PROX1: variants seen among roughly 807,000 people sequenced by gnomAD.
The protein encoded by PROX1 is prospero homeobox protein 1.
A neutral mutation model predicts 58.8 loss-of-function variants in PROX1; 7 were observed. The observed-to-expected ratio is 0.12, with a 90% CI of 0.07 to 0.22. The LOEUF (loss-of-function observed/expected upper bound fraction) is 0.22. PROX1 is among the 10% of genes least tolerant of loss of function. The pLI is 1.00. For synonymous variants in PROX1, 350 were observed against 358.3 expected (o/e 0.98, Z 0.26); for missense variants, 675 against 927.8 (o/e 0.73, Z 3.54).
At chr1:214,029,084 C>G (rs1571842287) in intron 4 of PROX1, 1 of 152,222 alleles carries the variant, frequency 6.6e-6, no homozygotes, top group East Asian at 1.9e-4. Context: ...AGATGAGTCT[C>G]TCCTTGATCG....
intron 1 of PROX1, among the ~76,000 whole-genome samples, chr1:213,991,334 T>C (rs1223648719): frequency 2.0e-5 from 3 of 152,202 alleles, no homozygotes; most frequent in South Asian, 2.1e-4. Flanking sequence ...CTCATTGGCT[T>C]TGTGTTTGGG....
chr1:214,025,486 A>G (rs1363082764), intron 4 of PROX1, among the ~76,000 whole-genome samples: 1 of 152,216 alleles, frequency 6.6e-6, no homozygotes, highest in Non-Finnish European at 1.5e-5. Context: ...AAACAGTTGT[A>G]AAAAATAAGG....
At chr1:213,987,565 A>G (rs1033965262), upstream of PROX1, 3 of 149,896 alleles carry the variant, frequency 2.0e-5, no homozygotes, top group African/African-American at 4.9e-5. Context: ...GAAAAAGAAA[A>G]AAAAAAAAAA....
intron 2 of PROX1, among the ~76,000 whole-genome samples, chr1:213,999,843 G>A (rs56122658): frequency 4.6e-5 from 7 of 152,226 alleles, no homozygotes; most frequent in Non-Finnish European, 1.0e-4. Flanking sequence ...TTGGAATATC[G>A]CTGTTGGTGA....
intron 4 of PROX1, among the ~76,000 whole-genome samples, chr1:214,027,570 T>C (rs1374675687): frequency 1.3e-5 from 2 of 152,172 alleles, no homozygotes; most frequent in Non-Finnish European, 2.9e-5. Context: ...AAGTCAATTC[T>C]AAACCAGGCT....
Position 214,035,958 on chromosome 1 carries a change from C to A in PROX1, c.*124C>A. ...GGGAGGCATGGATATGTTATGAAAT[C>A]AGCTGGTAATTCCTCCTCATCACGT... On this transcript the variant is annotated 3_prime_UTR_variant, in exon 5 of 5. Coordinates refer to ENST00000366958, the MANE Select transcript of PROX1 (RefSeq NM_001270616.2). The A allele has an allele frequency of 2.6e-6, 2 of 762,858 alleles. No homozygotes were observed. Among genetic ancestry groups the A allele is most frequent in the Non-Finnish European group, 3.8e-6 (2 of 527,468 alleles). The allele number at this position is 762,858 out of a possible 1,614,324, so 47.3% of individuals were successfully genotyped here.
At chr1:214,000,874 A>G (rs1443226477) in intron 2 of PROX1, among the ~76,000 whole-genome samples, 1 of 152,154 alleles carries the variant, frequency 6.6e-6, no homozygotes, top group Non-Finnish European at 1.5e-5. Context: ...TACTTTGAAG[A>G]AATATCTGGG....
At chr1:214,000,119 A>T (rs1663446189) in intron 2 of PROX1, among the ~76,000 whole-genome samples, 1 of 152,168 alleles carries the variant, frequency 6.6e-6, no homozygotes, top group South Asian at 2.1e-4. Context: ...GTGAATATTT[A>T]AAGATTTAAT....
In PROX1 at chr1:213,996,474, C is replaced by CG. The variant is rs1663265783; in HGVS notation, c.-59dup. ...CCTTTTGTTCTGTTGGCCAGGGTCC[C>CG]GGGATTCTTGAGCTGTGCCCAGCTG... On this transcript the variant is annotated 5_prime_UTR_variant, in exon 2 of 5. Transcript: ENST00000366958. 3 of 1,528,852 alleles carry CG rather than the reference C, an allele frequency of 2.0e-6. No individual in the cohort carries two copies. The allele number at this position is 1,528,852 out of a possible 1,614,324, so 94.7% of individuals were successfully genotyped here. A position where few individuals can be genotyped will look rare whatever the true frequency, so the allele number is the denominator to read the frequency against.
rs1344788852 is a variant in PROX1 at position 214,039,931 on chromosome 1, G to A, written c.*4097G>A. Reference sequence around the variant, plus strand: ...TTTATGAAAGAAAGAGTAGTTTACAGACTCCCCTGAAAGAAGCAGTGTATA... The same window carrying A: ...TTTATGAAAGAAAGAGTAGTTTACAAACTCCCCTGAAAGAAGCAGTGTATA... On this transcript the variant is annotated 3_prime_UTR_variant, in exon 5 of 5. Transcript: ENST00000366958. The A allele has an allele frequency of 6.6e-6, 1 of 152,148 alleles. No individual in the cohort carries two copies. Among genetic ancestry groups the A allele is most frequent in the Non-Finnish European group, 1.5e-5 (1 of 68,028 alleles). The allele number at this position is 152,148 out of a possible 1,614,324, so 9.4% of individuals were successfully genotyped here.
chr1:214,000,900 T>C (rs1432461438), intron 2 of PROX1, among the ~76,000 whole-genome samples: 1 of 152,196 alleles, frequency 6.6e-6, no homozygotes, highest in Non-Finnish European at 1.5e-5. Flanking sequence ...CAGTGAGTGA[T>C]GTCTTACTTC....
chr1:214,018,375 A>T (rs994313413), intron 4 of PROX1, among the ~76,000 whole-genome samples: 5 of 152,334 alleles, frequency 3.3e-5, no homozygotes, highest in Admixed American at 3.3e-4. Context: ...GCAGATAATT[A>T]GTTTAAAAAT....
intron 4 of PROX1, among the ~76,000 whole-genome samples, chr1:214,018,194 TC>T (rs917130062): frequency 9.9e-5 from 15 of 152,158 alleles, no homozygotes; most frequent in Admixed American, 5.9e-4. Context: ...TCTTCATTTT[TC>T]CCCCCGCAGG....
chr1:214,017,847 A>G (rs1664148406), intron 4 of PROX1, among the ~76,000 whole-genome samples: 1 of 152,130 alleles, frequency 6.6e-6, no homozygotes, highest in African/African-American at 2.4e-5. Flanking sequence ...TCCTTCAGCG[A>G]TGAGGAAAGT....
At chr1:213,991,900 G>A (rs1467628223) in intron 1 of PROX1, among the ~76,000 whole-genome samples, 1 of 152,190 alleles carries the variant, frequency 6.6e-6, no homozygotes, top group African/African-American at 2.4e-5. Flanking sequence ...AAAATAGATT[G>A]TGCATGATGT....
chr1:214,016,566 A>G (rs756949668), intron 4 of PROX1, among the ~76,000 whole-genome samples: 30 of 152,116 alleles, frequency 2.0e-4, no homozygotes, highest in Non-Finnish European at 2.9e-5. Flanking sequence ...AGAAACCCTT[A>G]CCATTTCTTC....
At position 214,038,918 on chromosome 1, in the gene PROX1, T is replaced by C. The variant is rs939587899; in HGVS notation, c.*3084T>C. 1.3e-5 allele frequency: 2 copies of C among 152,234 alleles called. No homozygotes were observed. Among genetic ancestry groups the C allele is most frequent in the Non-Finnish European group, 2.9e-5 (2 of 68,030 alleles). 9.4% of individuals were successfully genotyped at this position (152,234 alleles called of 1,614,324 possible). A position where few individuals can be genotyped will look rare whatever the true frequency, so the allele number is the denominator to read the frequency against. ...GCAAATTATTTTTTCCTCAATTGTTTGAGCAGCATTCGAGTTTTGAAAATT... is the reference window on the plus strand; with the variant it reads ...GCAAATTATTTTTTCCTCAATTGTTCGAGCAGCATTCGAGTTTTGAAAATT... On this transcript the variant is annotated 3_prime_UTR_variant, in exon 5 of 5. Transcript: ENST00000366958.
rs1354325126 is a variant in PROX1 at position 214,039,746 on chromosome 1, A to T, written c.*3912A>T. The T allele has an allele frequency of 6.6e-6, 1 of 152,126 alleles. No homozygotes were observed. The highest frequency in any genetic ancestry group is 1.5e-5 in the Non-Finnish European group (1 of 68,034). 9.4% of individuals were successfully genotyped at this position (152,126 alleles called of 1,614,324 possible). On this transcript the variant is annotated 3_prime_UTR_variant, in exon 5 of 5. Transcript: ENST00000366958. Reference sequence around the variant, plus strand: ...ATTTATGAAATTTCTTTTTCTATGTACATGAAGACATTTAGTAAGTAACAC... The same window carrying T: ...ATTTATGAAATTTCTTTTTCTATGTTCATGAAGACATTTAGTAAGTAACAC...
intron 1 of PROX1, among the ~76,000 whole-genome samples, chr1:213,992,611 G>A (rs1485217555): frequency 6.6e-6 from 1 of 152,134 alleles, no homozygotes; most frequent in East Asian, 1.9e-4. Context: ...AAGAAGTCAA[G>A]TGTAGGCTTG....
Sources: gnomAD v4.1 joint callset for allele counts (sites outside exome capture counted in the v4.1 genomes callset) on GRCh38, gnomAD v4.1.1 for gene constraint, MANE v1.5 for transcripts, NCBI Gene and HGNC (gene_info 2026-07-23, HGNC 2026-07-21) for gene names.